The following NETO1 variants were observed in gnomAD, a reference collection of about 807,000 sequenced individuals.
NETO1 encodes neuropilin and tolloid-like protein 1.
Under a neutral mutation model 61.3 loss-of-function variants are expected in NETO1, and 26 were observed. The observed-to-expected ratio is 0.42, with a 90% CI of 0.31 to 0.59. NETO1 has a LOEUF of 0.59. NETO1 is among the 20% of genes least tolerant of loss of function. The probability of loss-of-function intolerance (pLI) is 0.12; values close to 1 mark genes in which losing one functional copy is unlikely to be tolerated. For missense variants in NETO1, 531 were observed against 662.8 expected (o/e 0.80, Z 2.18); for synonymous variants, 225 against 225.8 (o/e 1.00, Z 0.03).
chr18:72,810,362 A>T (rs1172273508), intron 4 of NETO1, among the ~76,000 whole-genome samples: 1 of 152,166 alleles, frequency 6.6e-6, no homozygotes, highest in Non-Finnish European at 1.5e-5. Flanking sequence ...TCTGCCTCTG[A>T]AAGAATTATC....
chr18:72,836,791 A>G (rs2073763824), intron 4 of NETO1, among the ~76,000 whole-genome samples: 1 of 152,174 alleles, frequency 6.6e-6, no homozygotes, highest in South Asian at 2.1e-4. Flanking sequence ...TAATCCGGGG[A>G]TGGATACAAT....
intron 10 of NETO1, among the ~76,000 whole-genome samples, chr18:72,748,721 A>T (rs1270915029): frequency 1.3e-5 from 2 of 152,104 alleles, no homozygotes; most frequent in African/African-American, 4.8e-5. Context: ...TAGTTCATTA[A>T]AACTTTACCT....
chr18:72,768,315 G>T lies in NETO1; in HGVS notation c.869-12168C>A, dbSNP rs2145164055. Among the ~76,000 whole-genome samples the T allele has an allele frequency of 1.3e-5, 2 of 152,130 alleles. 1 individual carries two copies. Among genetic ancestry groups the T allele is most frequent in the Middle Eastern group, 6.8e-3 (2 of 294 alleles). ...TATATAAAAGAACACTTATTCAATA[G>T]CAAGGTGTGAAGGCAGACTTGTGTT... On this transcript the variant is annotated intron_variant, in intron 7 of 10. Coordinates refer to ENST00000327305, the MANE Select transcript of NETO1 (RefSeq NM_138966.5).
chr18:72,764,384 A>G (rs765174284), intron 7 of NETO1, among the ~76,000 whole-genome samples: 31 of 152,188 alleles, frequency 2.0e-4, no homozygotes, highest in Non-Finnish European at 3.5e-4. Context: ...TTCACATTGA[A>G]GAGCAAAATC....
intron 6 of NETO1, among the ~76,000 whole-genome samples, chr18:72,785,824 C>T (rs1407456479): frequency 6.6e-6 from 1 of 152,172 alleles, no homozygotes; most frequent in East Asian, 1.9e-4. Flanking sequence ...TGTCTAGGAA[C>T]CTCTTCCTGA....
At chr18:72,791,375 T>G (rs1880315719) in intron 6 of NETO1, among the ~76,000 whole-genome samples, 1 of 152,222 alleles carries the variant, frequency 6.6e-6, no homozygotes, top group Non-Finnish European at 1.5e-5. Flanking sequence ...TAGTCTATTC[T>G]CATAAGCTGC....
intron 7 of NETO1, among the ~76,000 whole-genome samples, chr18:72,766,611 C>A (rs562651507): frequency 2.0e-5 from 3 of 151,984 alleles, no homozygotes; most frequent in Non-Finnish European, 2.9e-5. Flanking sequence ...TCAAGATGTA[C>A]ATATATTAAT....
intron 7 of NETO1, among the ~76,000 whole-genome samples, chr18:72,770,505 A>T (rs776516176): frequency 1.6e-4 from 24 of 152,098 alleles, no homozygotes; most frequent in Non-Finnish European, 2.6e-4. Context: ...TATGTTGTGT[A>T]TTGTTTATAT....
chr18:72,804,293 C>T (rs1437239351), intron 4 of NETO1, among the ~76,000 whole-genome samples: 1 of 152,178 alleles, frequency 6.6e-6, no homozygotes, highest in Non-Finnish European at 1.5e-5. Context: ...ATCTTTGTAT[C>T]ATGGGTACCT....
intron 3 of NETO1, among the ~76,000 whole-genome samples, chr18:72,860,513 A>G (rs2074538962): frequency 6.6e-6 from 1 of 152,236 alleles, no homozygotes; most frequent in African/African-American, 2.4e-5. Context: ...CCCAGGTATA[A>G]AATTAAATAT....
intron 3 of NETO1, among the ~76,000 whole-genome samples, chr18:72,860,874 G>T (rs2074551182): frequency 6.6e-6 from 1 of 152,102 alleles, no homozygotes; most frequent in South Asian, 2.1e-4. Flanking sequence ...ACTAAGTATA[G>T]CGCTTGCATA....
At chr18:72,779,277 C>T (rs953228015) in intron 7 of NETO1, among the ~76,000 whole-genome samples, 2 of 150,916 alleles carry the variant, frequency 1.3e-5, no homozygotes, top group Non-Finnish European at 3.0e-5. Flanking sequence ...CATATAGTTA[C>T]ATATTAAATG....
intron 4 of NETO1, among the ~76,000 whole-genome samples, chr18:72,828,340 C>A (rs1391804769): frequency 6.6e-6 from 1 of 151,918 alleles, no homozygotes; most frequent in Non-Finnish European, 1.5e-5. Flanking sequence ...TCAAGAGCTC[C>A]CAAAACAGAA....
At chr18:72,834,009 C>A (rs1414668660) in intron 4 of NETO1, 3 of 604,360 alleles carry the variant, frequency 5.0e-6, no homozygotes, top group Non-Finnish European at 6.2e-6. Flanking sequence ...CATTTTAACA[C>A]CCAACCTACA....
rs568698952 is a variant in NETO1, at chr18:72,854,548, A to G, written c.469+4278T>C. Among the ~76,000 whole-genome samples the G allele has an allele frequency of 8.2e-4, 125 of 152,324 alleles. 1 individual carries two copies. The South Asian group carries it at 0.023, about 28-fold the overall frequency. On this transcript the variant is annotated intron_variant, in intron 4 of 10. Coordinates refer to ENST00000327305, the MANE Select transcript of NETO1 (RefSeq NM_138966.5). ...TCTCCAGGAGCAGAGCATCTGAATG[A>G]TCTGGGTCATGCCAGTGGAATGAGG... is the stretch of plus-strand genomic sequence containing the variant.
Position 72,750,285 on chromosome 18 carries a change from T to C in NETO1, c.1318A>G (p.Thr440Ala). 6.2e-7 allele frequency: 1 copy of C among 1,614,104 alleles called. No homozygotes were observed. Among genetic ancestry groups the C allele is most frequent in the Non-Finnish European group, 8.5e-7 (1 of 1,179,990 alleles). ...DHHCGSQLSS[T>A]KGSRSNLSTR... ...CTGAGGTTACTGCGGCTGCCTTTAG[T>C]GCTGGACAGCTGTGATCCACAGTGA... is the stretch of plus-strand genomic sequence containing the variant. The change falls in exon 9 of 11, where the codon ACT (threonine) becomes GCT (alanine). Residue 440 changes from threonine (T) to alanine (A), a missense_variant. Transcript: ENST00000327305.
chr18:72,762,268 C>T (rs900136035), intron 7 of NETO1, among the ~76,000 whole-genome samples: 11 of 151,898 alleles, frequency 7.2e-5, no homozygotes, highest in African/African-American at 2.4e-4. Flanking sequence ...TCAAGTGATA[C>T]TCCTGCCTCA....
intron 7 of NETO1, among the ~76,000 whole-genome samples, chr18:72,764,140 G>A (rs1054200346): frequency 2.4e-4 from 36 of 152,236 alleles, no homozygotes; most frequent in African/African-American, 8.4e-4. Context: ...TTTGGGTGGC[G>A]ACACAGAGCC....
At chr18:72,779,933 C>T (rs186130661) in intron 7 of NETO1, among the ~76,000 whole-genome samples, 145 of 152,214 alleles carry the variant, frequency 9.5e-4, no homozygotes, top group Non-Finnish European at 1.7e-3. Flanking sequence ...ACGGATGAAA[C>T]GTTCTAGCTG....
Sources: gnomAD v4.1 joint callset for allele counts (sites outside exome capture counted in the v4.1 genomes callset) on GRCh38, gnomAD v4.1.1 for gene constraint, MANE v1.5 for transcripts, NCBI Gene and HGNC (gene_info 2026-07-23, HGNC 2026-07-21) for gene names.